Variants in URI1 observed in about 807,000 individuals in gnomAD.
URI1 encodes the protein URI1 prefoldin like chaperone, also known as unconventional prefoldin RPB5 interactor 1.
URI1 carries 39 observed loss-of-function variants against 60.2 expected under a neutral mutation model. That is an observed-to-expected ratio of 0.65 (90% CI 0.50 to 0.85). The LOEUF is 0.85. Ranked by LOEUF, URI1 falls within the 40% of genes least tolerant of loss-of-function variation. The pLI, the probability that URI1 is intolerant of heterozygous loss-of-function variation, is 0.00. For missense variants in URI1, 691 were observed against 665.9 expected, an observed-to-expected ratio of 1.04 and a Z score of -0.42; for synonymous variants, 251 against 236.8, an observed-to-expected ratio of 1.06 and a Z score of -0.55.
At chr19:29,942,721 G>A (rs1410606735) in intron 1 of URI1, 57 bp downstream of exon 1, 49 of 1,320,268 alleles carry the variant, frequency 3.7e-5, no homozygotes, top group Non-Finnish European at 4.5e-5. Context: ...CCCTGCCTGT[G>A]CTCTGGGCCG....
At position 29,955,896 on chromosome 19, in the gene URI1, A is replaced by T. The variant is rs117957326; in HGVS notation, c.117+13232A>T. 4.9e-3 allele frequency among the ~76,000 whole-genome samples: 747 copies of T among 151,422 alleles called. 1 individual carries two copies. The highest frequency in any genetic ancestry group is 0.014 in the Middle Eastern group (4 of 286). ...GTGAGCCACCGTGCCTGGCCCAGTT[A>T]TCATTTCTTACAAAAGAGGCAGTAA... On this transcript the variant is annotated intron_variant, in intron 1 of 10. Coordinates refer to ENST00000392271, the MANE Select transcript of URI1 (RefSeq NM_003796.3).
At chr19:29,974,891 C>T (rs2055501747) in intron 2 of URI1, among the ~76,000 whole-genome samples, 1 of 152,198 alleles carries the variant, frequency 6.6e-6, no homozygotes, top group African/African-American at 2.4e-5. Context: ...CCTCCTGCTG[C>T]ATCCATGTTA....
chr19:29,941,978 T>C (rs944822702), upstream of URI1, among the ~76,000 whole-genome samples: 7 of 150,190 alleles, frequency 4.7e-5, no homozygotes, highest in African/African-American at 1.7e-4. Flanking sequence ...TTCTATAGAA[T>C]GTAAGCTTTT....
At chr19:29,941,945 C>G (rs1295959809), upstream of URI1, among the ~76,000 whole-genome samples, 1 of 150,328 alleles carries the variant, frequency 6.7e-6, no homozygotes, top group African/African-American at 2.4e-5. Context: ...CTCTTGTTGC[C>G]GAGCGTTTCC....
At chr19:29,975,689 A>C (rs1290586666) in intron 2 of URI1, among the ~76,000 whole-genome samples, 2 of 152,000 alleles carry the variant, frequency 1.3e-5, no homozygotes, top group Non-Finnish European at 2.9e-5. Context: ...GTATTTTAGT[A>C]AAGACGGGGT....
intron 2 of URI1, among the ~76,000 whole-genome samples, chr19:29,984,208 T>C (rs1306441002): frequency 6.6e-6 from 1 of 152,114 alleles, no homozygotes; most frequent in Non-Finnish European, 1.5e-5. Flanking sequence ...GGGGGATCGC[T>C]TGAAGCCAGG....
chr19:29,942,091 A>C (rs1285089461), upstream of URI1: 2 of 385,692 alleles, frequency 5.2e-6, no homozygotes, highest in East Asian at 3.2e-4. Flanking sequence ...TTCCAGAGGG[A>C]TACAAACGCA....
chr19:29,938,540 C>G (rs771892524), upstream of URI1, among the ~76,000 whole-genome samples: 3 of 152,160 alleles, frequency 2.0e-5, no homozygotes, highest in Non-Finnish European at 4.4e-5. Flanking sequence ...TAGTGGCCCT[C>G]TATTGACTCC....
intron 1 of URI1, among the ~76,000 whole-genome samples, chr19:29,958,689 G>T (rs115099028): frequency 0.019 from 2,877 of 151,584 alleles, 105 homozygotes; most frequent in African/African-American, 0.067. Flanking sequence ...CCAGGGTGCT[G>T]CGGCTCACAC....
chr19:29,954,817 C>G (rs2055223966), intron 1 of URI1, among the ~76,000 whole-genome samples: 1 of 152,070 alleles, frequency 6.6e-6, no homozygotes, highest in Non-Finnish European at 1.5e-5. Context: ...CACAGCCGGC[C>G]TAGATAACCA....
At chr19:29,976,676 G>T (rs2055526844) in intron 2 of URI1, among the ~76,000 whole-genome samples, 1 of 152,170 alleles carries the variant, frequency 6.6e-6, no homozygotes, top group Non-Finnish European at 1.5e-5. Context: ...ATGTTGACTG[G>T]TGAGAATGAA....
intron 1 of URI1, among the ~76,000 whole-genome samples, chr19:29,930,783 C>T (rs1599645601): frequency 1.3e-5 from 2 of 151,970 alleles, no homozygotes; most frequent in African/African-American, 4.8e-5. Flanking sequence ...CAACCTCTGC[C>T]TCCTGCATTC....
intron 1 of URI1, among the ~76,000 whole-genome samples, chr19:29,947,059 T>C (rs944611052): frequency 6.6e-6 from 1 of 152,124 alleles, no homozygotes; most frequent in Non-Finnish European, 1.5e-5. Flanking sequence ...TAGGTTCCAT[T>C]TGAGCAGAAA....
intron 2 of URI1, among the ~76,000 whole-genome samples, chr19:29,977,742 G>C (rs1422077252): frequency 2.0e-5 from 3 of 151,590 alleles, no homozygotes; most frequent in African/African-American, 7.3e-5. Context: ...AATGGTGTGA[G>C]TTAGTACATG....
intron 2 of URI1, among the ~76,000 whole-genome samples, chr19:29,979,795 G>A (rs1002989826): frequency 6.6e-6 from 1 of 152,016 alleles, no homozygotes; most frequent in Non-Finnish European, 1.5e-5. Flanking sequence ...TTATAAAAAA[G>A]GAATATACCA....
intron 2 of URI1, among the ~76,000 whole-genome samples, chr19:29,972,510 A>G (rs2145330267): frequency 6.6e-6 from 1 of 152,244 alleles, no homozygotes; most frequent in Non-Finnish European, 1.5e-5. Flanking sequence ...GAAGTTCAGG[A>G]AATTAGAAAG....
In URI1 at chr19:29,967,487, G is replaced by T. The variant is rs181383412; in HGVS notation, c.118-3706G>T. ...GTTTATACTTGTTTCATCTGAAAGGGTCAGGAGCTGTAGGAGGCATTGGAA... is the reference window on the plus strand; with the variant it reads ...GTTTATACTTGTTTCATCTGAAAGGTTCAGGAGCTGTAGGAGGCATTGGAA... On this transcript the variant is annotated intron_variant, in intron 1 of 10. Coordinates refer to ENST00000392271, the MANE Select transcript of URI1 (RefSeq NM_003796.3). 5.3e-5 allele frequency among the ~76,000 whole-genome samples: 8 copies of T among 152,344 alleles called. No individual in the cohort carries two copies. The East Asian group carries it at 1.5e-3, about 29-fold the overall frequency.
At chr19:29,932,694 C>T (rs1166171635) in intron 1 of URI1, among the ~76,000 whole-genome samples, 12 of 150,762 alleles carry the variant, frequency 8.0e-5, no homozygotes, top group African/African-American at 1.7e-4. Context: ...TCTTGTTGCC[C>T]GGGCTGGAGT....
intron 1 of URI1, chr19:29,956,894 C>G: frequency 2.4e-6 from 3 of 1,271,420 alleles, no homozygotes; most frequent in African/African-American, 1.5e-5. Context: ...CCGCAGGGTT[C>G]CTCTGGGGCC....
Sources: gnomAD v4.1 joint callset for allele counts (sites outside exome capture counted in the v4.1 genomes callset) on GRCh38, gnomAD v4.1.1 for gene constraint, MANE v1.5 for transcripts, NCBI Gene and HGNC (gene_info 2026-07-23, HGNC 2026-07-21) for gene names.